Variants in ATP13A4 observed in about 807,000 individuals in gnomAD.
ATP13A4 encodes the protein ATPase 13A4, also known as probable cation-transporting ATPase 13A4.
Under a neutral mutation model 142.5 loss-of-function variants are expected in ATP13A4, and 114 were observed. The observed-to-expected ratio is 0.80, with a 90% CI of 0.69 to 0.93. The LOEUF is 0.93. ATP13A4 is among the 40% of genes least tolerant of loss of function. The pLI is 0.00. For synonymous variants in ATP13A4, 488 were observed against 514.8 expected, an observed-to-expected ratio of 0.95 and a Z score of 0.70; for missense variants, 1,392 against 1,454.0, an observed-to-expected ratio of 0.96 and a Z score of 0.69.
At chr3:193,404,704 T>C (rs28575065) in intron 29 of ATP13A4, among the ~76,000 whole-genome samples, 12,999 of 152,186 alleles carry the variant, frequency 0.085, 790 homozygotes, top group African/African-American at 0.16. Flanking sequence ...TTGGGGCCTC[T>C]CCAGCCATGC....
intron 2 of ATP13A4, among the ~76,000 whole-genome samples, chr3:193,573,292 CATATATATATATATACATAT>C: frequency 9.3e-6 from 1 of 107,860 alleles, no homozygotes; most frequent in East Asian, 2.4e-4. Flanking sequence ...TATATATACA[CATATATATATATATACATAT>C]ATATATATAT....
chr3:193,413,470 C>T (rs1714884351), intron 26 of ATP13A4, among the ~76,000 whole-genome samples: 3 of 152,114 alleles, frequency 2.0e-5, no homozygotes, highest in African/African-American at 7.2e-5. Context: ...CAGGGTCAGG[C>T]AGAATAGAGC....
chr3:193,475,677 C>G (rs1321141271), intron 8 of ATP13A4, among the ~76,000 whole-genome samples: 5 of 151,754 alleles, frequency 3.3e-5, no homozygotes, highest in Non-Finnish European at 7.4e-5. Flanking sequence ...CAAAATAATA[C>G]AAATATAAGT....
At chr3:193,493,321 T>C (rs1199178535) in intron 3 of ATP13A4, among the ~76,000 whole-genome samples, 161 bp from the exon 4 acceptor site, 3 of 152,184 alleles carry the variant, frequency 2.0e-5, no homozygotes, top group Non-Finnish European at 4.4e-5. Context: ...TTTTCTACCA[T>C]ACAAATGGTA....
chr3:193,407,477 C>A (rs1352510103), intron 28 of ATP13A4, 84 bp from the exon 29 acceptor site: 1 of 1,094,656 alleles, frequency 9.1e-7, no homozygotes, highest in African/African-American at 1.5e-5. Context: ...ATATATTTTC[C>A]TAGGTTATAA....
At chr3:193,583,797 C>T (rs1724618303) in intron 1 of ATP13A4, among the ~76,000 whole-genome samples, 2 of 152,106 alleles carry the variant, frequency 1.3e-5, no homozygotes, top group Admixed American at 6.5e-5. Flanking sequence ...CTTAAAACTA[C>T]TTAAAAAGCA....
Position 193,589,180 on chromosome 3 carries a change from ATGTGTGTGTGTGTGTGTATATAATT to A in ATP13A4, n.91+3816_91+3840del, listed in dbSNP as rs1480985940. Among the ~76,000 whole-genome samples, 5 of 151,342 alleles carry A rather than the reference ATGTGTGTGTGTGTGTGTATATAATT, an allele frequency of 3.3e-5. No homozygotes were observed. The East Asian group carries it at 9.7e-4, about 29-fold the overall frequency. The stretch of plus-strand genomic sequence containing the variant: ...ACAAACAAAAACCAAATATATATAT[ATGTGTGTGTGTGTGTGTATATAATT>A]TGTGTGTGTATATATATGTATTTAT... On this transcript the variant is annotated intron_variant and non_coding_transcript_variant, in intron 1 of 3. Coordinates refer to the ATP13A4 transcript ENST00000489140.
intron 3 of ATP13A4, among the ~76,000 whole-genome samples, chr3:193,501,976 T>G (rs1461314367): frequency 6.6e-6 from 1 of 152,040 alleles, no homozygotes; most frequent in Non-Finnish European, 1.5e-5. Flanking sequence ...AGCTAATATG[T>G]AAGAGCTGGG....
At position 193,465,005 on chromosome 3, in the gene ATP13A4, T is replaced by C. The variant is rs1057523673; in HGVS notation, c.1396A>G (p.Ile466Val). The C allele has an allele frequency of 6.2e-7, 1 of 1,614,160 alleles. No homozygotes were observed. The highest frequency in any genetic ancestry group is 1.1e-5 in the South Asian group (1 of 91,076). The part of the protein sequence containing the change: ...YAQRRLKKRG[I>V]FCISPQRINV... ...ATCCTCTGGGGGCTAATGCAGAAGA[T>C]GCCTCTCTTCTTCAGCCTCCTCTGG... The change falls in exon 12 of 30, where the codon ATC becomes GTC. Residue 466 changes from isoleucine (I) to valine (V), a missense_variant. Coordinates refer to ENST00000342695, the MANE Select transcript of ATP13A4 (RefSeq NM_032279.4).
At chr3:193,548,163 C>A (rs1007867669) in intron 1 of ATP13A4, among the ~76,000 whole-genome samples, 2 of 152,078 alleles carry the variant, frequency 1.3e-5, no homozygotes, top group Admixed American at 6.6e-5. Context: ...ATTGACCTCT[C>A]CAAATAAATA....
At chr3:193,564,031 C>G (rs949922254) in intron 2 of ATP13A4, among the ~76,000 whole-genome samples, 1 of 152,200 alleles carries the variant, frequency 6.6e-6, no homozygotes, top group African/African-American at 2.4e-5. Flanking sequence ...AATTAAACAG[C>G]ATTATATTCA....
chr3:193,545,022 C>A (rs778308867), intron 1 of ATP13A4, among the ~76,000 whole-genome samples: 27 of 152,146 alleles, frequency 1.8e-4, no homozygotes, highest in Non-Finnish European at 3.7e-4. Flanking sequence ...TATATGCACA[C>A]ATTTTTCAAT....
intron 1 of ATP13A4, among the ~76,000 whole-genome samples, chr3:193,584,599 A>G (rs1724632942): frequency 6.8e-6 from 1 of 147,308 alleles, no homozygotes; most frequent in African/African-American, 2.5e-5. Flanking sequence ...TGTTGGGTCC[A>G]TTTCACTTTT....
chr3:193,435,735 A>C lies in ATP13A4; in HGVS notation c.2682T>G (p.Arg894=), dbSNP rs759077301. ...TGCAAAAGGAGGTAACGAGAGCTGC[A>C]CGTCCTTCCCTGTGTAAGAAAAGAA... ...ECVPHLIKEG[R]AALVTSFCMF... The change falls in exon 24 of 30, where the codon CGT becomes CGG. Residue 894 remains arginine (R), a synonymous_variant. Transcript: ENST00000342695. 10 of 1,613,446 alleles carry C rather than the reference A, an allele frequency of 6.2e-6. No homozygotes were observed.
At chr3:193,411,771 G>C (rs1402233622) in intron 27 of ATP13A4, among the ~76,000 whole-genome samples, 2 of 152,270 alleles carry the variant, frequency 1.3e-5, no homozygotes, top group Non-Finnish European at 2.9e-5. Context: ...CTAGCAGCCT[G>C]CCACCACACA....
chr3:193,468,438 G>GAAGC (rs1408122784), intron 9 of ATP13A4, among the ~76,000 whole-genome samples: 1 of 152,120 alleles, frequency 6.6e-6, no homozygotes, highest in African/African-American at 2.4e-5. Flanking sequence ...GGATAGAAAG[G>GAAGC]AAGCACTGCA....
At chr3:193,592,407 C>G (rs990392965) in intron 1 of ATP13A4, among the ~76,000 whole-genome samples, 2 of 152,052 alleles carry the variant, frequency 1.3e-5, no homozygotes, top group Admixed American at 1.3e-4. Context: ...ATCAAAGAAG[C>G]CTGGGAGCAG....
chr3:193,498,467 C>T (rs1331106841), intron 3 of ATP13A4, among the ~76,000 whole-genome samples: 1 of 152,082 alleles, frequency 6.6e-6, no homozygotes, highest in East Asian at 1.9e-4. Context: ...ATGTGAATTT[C>T]CGTGAACTGA....
intron 21 of ATP13A4, 45 bp downstream of exon 21, chr3:193,440,513 A>T: frequency 6.2e-6 from 10 of 1,612,480 alleles, no homozygotes; most frequent in Non-Finnish European, 7.6e-6. Context: ...CCTGACTGTT[A>T]TGCCTCCATG....
Sources: allele counts gnomAD v4.1 joint callset (sites outside exome capture counted in the v4.1 genomes callset), GRCh38; gene constraint gnomAD v4.1.1; transcripts MANE v1.5; gene names NCBI Gene and HGNC (gene_info 2026-07-23, HGNC 2026-07-21).